Variants in LMO3 observed in about 807,000 individuals in gnomAD.
LMO3 encodes the protein LIM domain only 3, also known as LIM domain only protein 3.
LMO3 carries 2 observed loss-of-function variants against 15.8 expected under a neutral mutation model. That is an observed-to-expected ratio of 0.13 (90% CI 0.05 to 0.40). LMO3 has a LOEUF of 0.40. Among genes scored for constraint, LMO3 ranks in the 10% least tolerant of loss-of-function variants. The pLI, the probability that LMO3 is intolerant of heterozygous loss-of-function variation, is 0.99. For synonymous variants in LMO3, 62 were observed against 63.8 expected (o/e 0.97, Z 0.13); for missense variants, 86 against 182.2 (o/e 0.47, Z 3.04).
intron 2 of LMO3, among the ~76,000 whole-genome samples, chr12:16,572,105 G>A (rs1311007606): frequency 6.6e-6 from 1 of 151,864 alleles, no homozygotes; most frequent in Non-Finnish European, 1.5e-5. Context: ...ATGGTATCCT[G>A]CAAGAAAAAG....
intron 2 of LMO3, among the ~76,000 whole-genome samples, chr12:16,571,293 T>G (rs1942805847): frequency 6.6e-6 from 1 of 152,120 alleles, no homozygotes; most frequent in Non-Finnish European, 1.5e-5. Flanking sequence ...TTTATTGTAC[T>G]GAATTTCTTT....
intron 3 of LMO3, among the ~76,000 whole-genome samples, chr12:16,554,382 A>G (rs771022713): frequency 3.3e-5 from 5 of 152,192 alleles, no homozygotes; most frequent in South Asian, 2.1e-4. Flanking sequence ...GCTCCAATCC[A>G]TATTTCTAGT....
chr12:16,596,547 A>G lies in LMO3; in HGVS notation c.206+4108T>C, dbSNP rs1025175804. On this transcript the variant is annotated intron_variant, in intron 2 of 3. Transcript: ENST00000537304. The surrounding 1 kb of genome is among the most constrained non-coding windows in gnomAD (Gnocchi z 4.3). The stretch of plus-strand genomic sequence containing the variant: ...GGTTCAAAGAAAGAACAACAAAAAA[A>G]TTGCCCAGAAGTTGAGTTCCAGTTA... Among the ~76,000 whole-genome samples the G allele has an allele frequency of 1.3e-5, 2 of 151,700 alleles. No individual in the cohort carries two copies. The highest frequency in any genetic ancestry group is 3.0e-5 in the Non-Finnish European group (2 of 67,638).
chr12:16,589,543 A>C lies in LMO3; in HGVS notation c.206+11112T>G, dbSNP rs1043577549. 2.0e-5 allele frequency: 3 copies of C among 152,120 alleles called. No homozygotes were observed. The highest frequency in any genetic ancestry group is 4.8e-5 in the African/African-American group (2 of 41,430). The allele number at this position is 152,120 out of a possible 1,614,324, so 9.4% of individuals were successfully genotyped here. ...TCTTTTTTAGGTTGCTGCAGAAGTC[A>C]AGAGCTAACCAAGAAGACAAGGAAT... On this transcript the variant is annotated intron_variant, in intron 2 of 3. Coordinates refer to ENST00000537304, the MANE Select transcript of LMO3 (RefSeq NM_018640.5). The surrounding 1 kb of genome is among the most constrained non-coding windows in gnomAD (Gnocchi z 4.2).
upstream of LMO3, chr12:16,609,722 T>C (rs898394680): frequency 6.6e-6 from 1 of 152,102 alleles, no homozygotes; most frequent in African/African-American, 2.4e-5. Flanking sequence ...TGATTAGATA[T>C]ATACTACTTA....
intron 2 of LMO3, among the ~76,000 whole-genome samples, chr12:16,578,240 G>A (rs75149106): frequency 0.052 from 7,891 of 152,216 alleles, 696 homozygotes; most frequent in African/African-American, 0.18. Context: ...TACAATGAAT[G>A]TTTAGGGGAA....
chr12:16,579,014 C>T (rs1943079889), intron 2 of LMO3, among the ~76,000 whole-genome samples: 1 of 152,164 alleles, frequency 6.6e-6, no homozygotes, highest in Non-Finnish European at 1.5e-5. Flanking sequence ...TTTGTACACA[C>T]TCTTGACAGA....
chr12:16,605,178 C>G, intron 1 of LMO3: 1 of 1,349,282 alleles, frequency 7.4e-7, no homozygotes, highest in Non-Finnish European at 9.5e-7. Context: ...TAACTCTGCC[C>G]GTAATCCTAA....
In LMO3 at chr12:16,591,688, T is replaced by C. The variant is rs1665314703; in HGVS notation, c.206+8967A>G. 6.6e-6 allele frequency among the ~76,000 whole-genome samples: 1 copy of C among 152,032 alleles called. No homozygotes were observed. Among genetic ancestry groups the C allele is most frequent in the Admixed American group, 6.6e-5 (1 of 15,234 alleles). On this transcript the variant is annotated intron_variant, in intron 2 of 3. Coordinates refer to ENST00000537304, the MANE Select transcript of LMO3 (RefSeq NM_018640.5). This position sits in a 1 kb window ranked among gnomAD's most constrained non-coding sequence, Gnocchi z 4.1. ...AGCATTTTGCAAGGGGTGTCAATTA[T>C]TGATAACTTACTGATATCTGTGATA...
At chr12:16,572,475 T>A (rs1386164820) in intron 2 of LMO3, among the ~76,000 whole-genome samples, 1 of 149,738 alleles carries the variant, frequency 6.7e-6, no homozygotes, top group African/African-American at 2.4e-5. Flanking sequence ...TTGGGTCACC[T>A]TTAGGACTTA....
chr12:16,580,157 G>GA (rs1488281799), intron 2 of LMO3, among the ~76,000 whole-genome samples: 4 of 152,080 alleles, frequency 2.6e-5, no homozygotes, highest in Non-Finnish European at 5.9e-5. Context: ...ATAGAGATGG[G>GA]ATCTCTCTAT....
chr12:16,574,903 C>T (rs972269826), intron 2 of LMO3, among the ~76,000 whole-genome samples: 4 of 152,000 alleles, frequency 2.6e-5, no homozygotes, highest in Admixed American at 1.3e-4. Context: ...GAAATCTGGC[C>T]GAGTCCGAGT....
At position 16,586,295 on chromosome 12, in the gene LMO3, A is replaced by G. The variant is rs893738186; in HGVS notation, c.206+14360T>C. Among the ~76,000 whole-genome samples the G allele has an allele frequency of 6.6e-6, 1 of 152,216 alleles. No individual in the cohort carries two copies. ...CAAGAACACAGAGTGTTAAGATGTC[A>G]TGATACGATGAAGTCCACATACGGA... On this transcript the variant is annotated intron_variant, in intron 2 of 3. Transcript: ENST00000537304. This position sits in a 1 kb window ranked among gnomAD's most constrained non-coding sequence, Gnocchi z 4.3.
At chr12:16,563,066 G>T (rs977971054) in intron 2 of LMO3, among the ~76,000 whole-genome samples, 4 of 151,760 alleles carry the variant, frequency 2.6e-5, no homozygotes, top group African/African-American at 9.7e-5. Context: ...TCCCTGCCTC[G>T]CTGGAGGCTC....
intron 2 of LMO3, among the ~76,000 whole-genome samples, chr12:16,567,796 T>C (rs1417794323): frequency 6.6e-6 from 1 of 152,010 alleles, no homozygotes; most frequent in Admixed American, 6.6e-5. Context: ...ATCCCTCTCC[T>C]ACACTCAGGC....
chr12:16,574,419 C>T (rs1460917064), intron 2 of LMO3, among the ~76,000 whole-genome samples: 2 of 152,106 alleles, frequency 1.3e-5, no homozygotes, highest in Non-Finnish European at 1.5e-5. Context: ...ATTTGCTGCT[C>T]TCCAACCTAA....
At chr12:16,607,818 G>T (rs1944052156), upstream of LMO3, 1 of 149,278 alleles carries the variant, frequency 6.7e-6, no homozygotes, top group African/African-American at 2.5e-5. Flanking sequence ...TCTTCATAAA[G>T]AATAAAGGCA....
intron 2 of LMO3, among the ~76,000 whole-genome samples, chr12:16,574,321 G>C (rs1036469145): frequency 2.0e-5 from 3 of 152,016 alleles, no homozygotes; most frequent in Admixed American, 6.6e-5. Context: ...CAACGAAAAC[G>C]CCTGTCTCTC....
chr12:16,571,637 C>T (rs950442675), intron 2 of LMO3, among the ~76,000 whole-genome samples: 3 of 151,950 alleles, frequency 2.0e-5, no homozygotes, highest in African/African-American at 7.2e-5. Context: ...TAGTAATAGC[C>T]AAAGAGCAAT....
Sources: allele counts gnomAD v4.1 joint callset (sites outside exome capture counted in the v4.1 genomes callset), GRCh38; gene constraint gnomAD v4.1.1; non-coding constraint Gnocchi (gnomAD v3.1); transcripts MANE v1.5; gene names NCBI Gene and HGNC (gene_info 2026-07-23, HGNC 2026-07-21).